MALRD1: variants seen among roughly 807,000 people sequenced by gnomAD.
MALRD1 encodes MAM and LDL-receptor class A domain-containing protein 1.
A neutral mutation model predicts 242.1 loss-of-function variants in MALRD1; 247 were observed. That is an observed-to-expected ratio of 1.02 (90% CI 0.92 to 1.13). MALRD1 has a LOEUF of 1.13. MALRD1 is among the 50% of genes most tolerant of loss of function. The pLI is 0.00. For missense variants in MALRD1, 2,989 were observed against 2,533.1 expected, an observed-to-expected ratio of 1.18 and a Z score of -3.86; for synonymous variants, 995 against 866.6, an observed-to-expected ratio of 1.15 and a Z score of -2.60.
intron 31 of MALRD1, among the ~76,000 whole-genome samples, chr10:19,515,804 G>A (rs904550332): frequency 6.6e-5 from 10 of 151,992 alleles, no homozygotes; most frequent in Non-Finnish European, 8.8e-5. Context: ...TCTTGACCTC[G>A]TGATCTGCCT....
At chr10:19,716,205 G>C (rs1564564822) in intron 38 of MALRD1, among the ~76,000 whole-genome samples, 1 of 152,120 alleles carries the variant, frequency 6.6e-6, no homozygotes. Flanking sequence ...TTTTTAAAAG[G>C]AGGTGGTATG....
intron 33 of MALRD1, among the ~76,000 whole-genome samples, chr10:19,584,095 T>C (rs996247549): frequency 2.5e-4 from 37 of 150,522 alleles, no homozygotes; most frequent in Non-Finnish European, 4.4e-5. Flanking sequence ...TTTTATTGCG[T>C]CTATTTGATT....
intron 20 of MALRD1, among the ~76,000 whole-genome samples, chr10:19,282,585 A>G (rs2131886179): frequency 6.6e-6 from 1 of 152,288 alleles, no homozygotes; most frequent in East Asian, 1.9e-4. Flanking sequence ...ACTTTATAGG[A>G]AACAGGTCCA....
At chr10:19,300,794 T>C (rs11009368) in intron 21 of MALRD1, among the ~76,000 whole-genome samples, 5,997 of 151,968 alleles carry the variant, frequency 0.039, 149 homozygotes, top group Middle Eastern at 0.095. Flanking sequence ...TCTGGACATA[T>C]ACCCTGGCAA....
chr10:19,332,274 G>A lies in MALRD1; in HGVS notation c.3901+692G>A, dbSNP rs1400186009. ...AGCCTCTGATGCATTTCAGAGGATTGTCATTTCTCTGTGTATATTGTCAGA... is the reference window on the plus strand; with the variant it reads ...AGCCTCTGATGCATTTCAGAGGATTATCATTTCTCTGTGTATATTGTCAGA... On this transcript the variant is annotated intron_variant, in intron 24 of 39. Transcript: ENST00000454679. Among the ~76,000 whole-genome samples the A allele has an allele frequency of 2.0e-5, 3 of 149,316 alleles. No individual in the cohort carries two copies. In the South Asian group the frequency reaches 6.3e-4, roughly 31 times the overall value.
At chr10:19,683,365 G>T (rs1842453582) in intron 36 of MALRD1, among the ~76,000 whole-genome samples, 1 of 152,240 alleles carries the variant, frequency 6.6e-6, no homozygotes, top group Non-Finnish European at 1.5e-5. Context: ...GCTGAAGATT[G>T]TGTAGCAAAT....
rs79826790 is a variant in MALRD1, at chr10:19,205,965, T to C, written c.2578+700T>C. Reference sequence around the variant, plus strand: ...GTCAAGAAAAGAAAAAGTTTGCATCTTTCCTTGGACTCAGATTCCTCATCC... The same window carrying C: ...GTCAAGAAAAGAAAAAGTTTGCATCCTTCCTTGGACTCAGATTCCTCATCC... On this transcript the variant is annotated intron_variant, in intron 17 of 39. Transcript: ENST00000454679. Among the ~76,000 whole-genome samples the C allele has an allele frequency of 5.1e-4, 77 of 151,618 alleles. 1 individual carries two copies. In the East Asian group the frequency reaches 0.013, roughly 26 times the overall value.
At chr10:19,679,134 C>T (rs908974325) in intron 36 of MALRD1, among the ~76,000 whole-genome samples, 1 of 152,104 alleles carries the variant, frequency 6.6e-6, no homozygotes, top group African/African-American at 2.4e-5. Flanking sequence ...GTTGTTGTAT[C>T]TCTACCAGGT....
At chr10:19,280,578 G>A (rs76248518) in intron 20 of MALRD1, among the ~76,000 whole-genome samples, 3,315 of 152,172 alleles carry the variant, frequency 0.022, 140 homozygotes, top group African/African-American at 0.077. Flanking sequence ...TAGCTTTATA[G>A]TACTGTCAAA....
intron 1 of MALRD1, among the ~76,000 whole-genome samples, chr10:19,050,916 T>C (rs1353863746): frequency 1.3e-5 from 2 of 152,154 alleles, no homozygotes; most frequent in Non-Finnish European, 2.9e-5. Context: ...AGCTGCTGAA[T>C]AGGAAAGGTC....
intron 19 of MALRD1, among the ~76,000 whole-genome samples, chr10:19,277,864 G>C (rs887466228): frequency 6.6e-6 from 1 of 152,014 alleles, no homozygotes; most frequent in Non-Finnish European, 1.5e-5. Context: ...TCAGATTTTT[G>C]CTCTTTCCTT....
intron 21 of MALRD1, among the ~76,000 whole-genome samples, chr10:19,289,875 C>A (rs983881922): frequency 1.8e-4 from 28 of 152,074 alleles, no homozygotes; most frequent in Non-Finnish European, 7.4e-5. Flanking sequence ...TCTGTCAATT[C>A]TTTCTTGTCT....
chr10:19,237,922 TTA>T (rs1238354804), intron 18 of MALRD1, among the ~76,000 whole-genome samples: 5,681 of 67,296 alleles, frequency 0.084, 306 homozygotes, highest in African/African-American at 0.18. Context: ...TTATATATAA[TTA>T]TATGTAATTT....
intron 18 of MALRD1, among the ~76,000 whole-genome samples, chr10:19,236,270 G>C (rs1029578261): frequency 3.3e-5 from 5 of 152,286 alleles, no homozygotes; most frequent in African/African-American, 9.6e-5. Flanking sequence ...GCTTTGACTA[G>C]TTGGTGCAGG....
chr10:19,171,438 A>G (rs1381350489), intron 13 of MALRD1, among the ~76,000 whole-genome samples: 2 of 96,644 alleles, frequency 2.1e-5, no homozygotes, highest in Non-Finnish European at 5.1e-5. Context: ...ACATATATAT[A>G]TATATATATA....
chr10:19,167,255 A>C (rs1345272816), intron 13 of MALRD1, among the ~76,000 whole-genome samples: 1 of 152,156 alleles, frequency 6.6e-6, no homozygotes, highest in Non-Finnish European at 1.5e-5. Flanking sequence ...GCTACTCTGG[A>C]GGCTGAGGCA....
At chr10:19,341,304 TG>T (rs981710071) in intron 24 of MALRD1, among the ~76,000 whole-genome samples, 8 of 151,694 alleles carry the variant, frequency 5.3e-5, no homozygotes, top group African/African-American at 1.9e-4. Context: ...ATGATATGTC[TG>T]GCATTTTTTC....
In MALRD1 at chr10:19,522,100, T is replaced by G. The variant is rs150860594; in HGVS notation, c.5321-9094T>G. 1.5e-4 allele frequency among the ~76,000 whole-genome samples: 22 copies of G among 149,338 alleles called. No individual in the cohort carries two copies. The East Asian group carries it at 4.1e-3, about 28-fold the overall frequency. On this transcript the variant is annotated intron_variant, in intron 31 of 39. Transcript: ENST00000454679. Reference sequence around the variant, plus strand: ...ACTGACGCAAGATTAATATTTATAATTGGTGACTCCTGGTCCGCCAAATAA... The same window carrying G: ...ACTGACGCAAGATTAATATTTATAAGTGGTGACTCCTGGTCCGCCAAATAA...
At chr10:19,235,290 A>G (rs536290237) in intron 18 of MALRD1, among the ~76,000 whole-genome samples, 1 of 152,042 alleles carries the variant, frequency 6.6e-6, no homozygotes, top group African/African-American at 2.4e-5. Context: ...TTGTATTTTG[A>G]CTTTTTAATA....
Sources: allele counts gnomAD v4.1 joint callset (sites outside exome capture counted in the v4.1 genomes callset), GRCh38; gene constraint gnomAD v4.1.1; transcripts MANE v1.5; gene names NCBI Gene and HGNC (gene_info 2026-07-23, HGNC 2026-07-21).